SEMA5A: variants seen among roughly 807,000 people sequenced by gnomAD.
The protein encoded by SEMA5A is semaphorin 5A, also known as semaphorin-5A.
A neutral mutation model predicts 135.5 loss-of-function variants in SEMA5A; 55 were observed. The ratio of observed to expected loss-of-function variants is 0.41; its 90% CI spans 0.33 to 0.51. The LOEUF (loss-of-function observed/expected upper bound fraction) is 0.51. SEMA5A is among the 20% of genes least tolerant of loss of function. The pLI is 0.37. For synonymous variants in SEMA5A, 580 were observed against 546.5 expected, an observed-to-expected ratio of 1.06 and a Z score of -0.85; for missense variants, 1,290 against 1,419.9, an observed-to-expected ratio of 0.91 and a Z score of 1.47.
chr5:9,205,271 A>C (rs1318432567), intron 8 of SEMA5A, among the ~76,000 whole-genome samples: 1 of 152,134 alleles, frequency 6.6e-6, no homozygotes, highest in African/African-American at 2.4e-5. Context: ...AGAGACAATA[A>C]ATGATGAGAT....
intron 2 of SEMA5A, among the ~76,000 whole-genome samples, chr5:9,406,475 AC>A (rs1449990213): frequency 6.6e-6 from 1 of 152,230 alleles, no homozygotes; most frequent in African/African-American, 2.4e-5. Context: ...TTGGGAAAAA[AC>A]CAGCAACACT....
At chr5:9,300,873 T>C (rs749535218) in intron 5 of SEMA5A, among the ~76,000 whole-genome samples, 9 of 152,312 alleles carry the variant, frequency 5.9e-5, no homozygotes, top group Non-Finnish European at 8.8e-5. Flanking sequence ...GAAAAGGCGA[T>C]GAAGCTTTCT....
At chr5:9,258,279 A>T (rs966155033) in intron 5 of SEMA5A, among the ~76,000 whole-genome samples, 1 of 152,194 alleles carries the variant, frequency 6.6e-6, no homozygotes, top group Non-Finnish European at 1.5e-5. Flanking sequence ...GGCTCAGGGA[A>T]CCAAAATTTT....
chr5:9,056,995 G>A (rs983884172), intron 18 of SEMA5A, among the ~76,000 whole-genome samples: 24 of 152,180 alleles, frequency 1.6e-4, no homozygotes, highest in Non-Finnish European at 2.6e-4. Context: ...CCTAGGGGAG[G>A]ACATTATGCT....
chr5:9,263,698 T>TTAAA (rs1749526990), intron 5 of SEMA5A, among the ~76,000 whole-genome samples: 1 of 152,192 alleles, frequency 6.6e-6, no homozygotes, highest in South Asian at 2.1e-4. Flanking sequence ...ATGCCTGTGA[T>TTAAA]TAAATGCCTA....
intron 2 of SEMA5A, among the ~76,000 whole-genome samples, chr5:9,430,702 C>A (rs1312983195): frequency 6.6e-6 from 1 of 152,132 alleles, no homozygotes; most frequent in African/African-American, 2.4e-5. Flanking sequence ...CTGGATTTAG[C>A]AACATGGCGG....
At chr5:9,118,976 T>C in intron 15 of SEMA5A, 22 bp downstream of exon 15, 1 of 1,608,544 alleles carries the variant, frequency 6.2e-7, no homozygotes, top group Non-Finnish European at 8.5e-7. Context: ...CTGGCGGTGC[T>C]GGCAGCAGGG....
At chr5:9,353,270 G>GGAAGC (rs1754269582) in intron 3 of SEMA5A, among the ~76,000 whole-genome samples, 1 of 142,080 alleles carries the variant, frequency 7.0e-6, no homozygotes, top group African/African-American at 2.7e-5. Flanking sequence ...GGAAGCAAAG[G>GGAAGC]AAAGGAAAGG....
At chr5:9,152,778 CA>C (rs1742699645) in intron 12 of SEMA5A, among the ~76,000 whole-genome samples, 1 of 152,188 alleles carries the variant, frequency 6.6e-6, no homozygotes, top group Non-Finnish European at 1.5e-5. Flanking sequence ...GGTCAAGAAA[CA>C]GCAACAACAG....
intron 1 of SEMA5A, among the ~76,000 whole-genome samples, chr5:9,471,819 A>C (rs1249765498): frequency 6.6e-6 from 1 of 152,262 alleles, no homozygotes; most frequent in Non-Finnish European, 1.5e-5. Context: ...CTCATTGTTC[A>C]AATTTAAATG....
intron 15 of SEMA5A, 63 bp downstream of exon 15, chr5:9,118,935 C>G: frequency 6.3e-7 from 1 of 1,575,294 alleles, no homozygotes. Context: ...GCGGGGAACT[C>G]GACCTGGCCG....
rs1738045004 is a variant in SEMA5A at position 9,540,843 on chromosome 5, A to G, written c.-175+4741T>C. ...GGGGGCCCTCTGCAAGACGTGTCAC[A>G]TCTCCGGTTTTGTTTTGTTTTGTTT... On this transcript the variant is annotated intron_variant, in intron 1 of 22. Transcript: ENST00000382496. 1.3e-5 allele frequency among the ~76,000 whole-genome samples: 2 copies of G among 152,078 alleles called. 1 individual carries two copies.
intron 1 of SEMA5A, among the ~76,000 whole-genome samples, chr5:9,465,518 G>A (rs12659153): frequency 0.29 from 44,080 of 152,188 alleles, 6,765 homozygotes; most frequent in East Asian, 0.54. Flanking sequence ...AATTCCACAA[G>A]TGCTGTAAGG....
intron 16 of SEMA5A, among the ~76,000 whole-genome samples, chr5:9,075,856 T>C (rs988081999): frequency 6.6e-6 from 1 of 152,204 alleles, no homozygotes; most frequent in African/African-American, 2.4e-5. Context: ...CAAAACTGTA[T>C]GGTCTCAGAA....
chr5:9,096,286 A>G (rs184107712), intron 16 of SEMA5A, among the ~76,000 whole-genome samples: 14 of 152,294 alleles, frequency 9.2e-5, no homozygotes, highest in African/African-American at 3.4e-4. Flanking sequence ...AGGTCTTTCA[A>G]GGTGTTCATT....
chr5:9,435,425 T>G (rs2126666547), intron 2 of SEMA5A, among the ~76,000 whole-genome samples: 1 of 152,344 alleles, frequency 6.6e-6, no homozygotes, highest in Middle Eastern at 3.4e-3. Flanking sequence ...TAGGTGGGAC[T>G]TAGACTAACA....
chr5:9,273,987 C>A (rs548738576), intron 5 of SEMA5A, among the ~76,000 whole-genome samples: 1 of 152,220 alleles, frequency 6.6e-6, no homozygotes, highest in East Asian at 1.9e-4. Context: ...TCACACATAA[C>A]AATATTAACC....
At chr5:9,519,645 C>T (rs1201966994) in intron 1 of SEMA5A, among the ~76,000 whole-genome samples, 1 of 152,196 alleles carries the variant, frequency 6.6e-6, no homozygotes, top group Non-Finnish European at 1.5e-5. Flanking sequence ...TTTCCCATCA[C>T]CATGCATGTG....
At chr5:9,162,404 G>GTGTA (rs1241092654) in intron 11 of SEMA5A, among the ~76,000 whole-genome samples, 4 of 124,142 alleles carry the variant, frequency 3.2e-5, no homozygotes, top group Non-Finnish European at 5.3e-5. Context: ...GTGTGTGTGT[G>GTGTA]TATATATATG....
Sources: gnomAD v4.1 joint callset for allele counts (sites outside exome capture counted in the v4.1 genomes callset) on GRCh38, gnomAD v4.1.1 for gene constraint, MANE v1.5 for transcripts, NCBI Gene and HGNC (gene_info 2026-07-23, HGNC 2026-07-21) for gene names.